The following COLEC10 variants were observed in gnomAD, a reference collection of about 807,000 sequenced individuals.
The protein encoded by COLEC10 is collectin subfamily member 10, also known as collectin-10.
A neutral mutation model predicts 28.4 loss-of-function variants in COLEC10; 22 were observed. The observed-to-expected ratio is 0.78, with a 90% CI of 0.55 to 1.11. COLEC10 has a LOEUF of 1.11. Ranked by LOEUF, COLEC10 falls within the 50% of genes least tolerant of loss-of-function variation. COLEC10 has a pLI of 0.00. For synonymous variants in COLEC10, 125 were observed against 116.1 expected, an observed-to-expected ratio of 1.08 and a Z score of -0.49; for missense variants, 361 against 344.1, an observed-to-expected ratio of 1.05 and a Z score of -0.39.
upstream of COLEC10, chr8:119,063,038 G>C (rs1303185490): frequency 6.6e-6 from 1 of 152,130 alleles, no homozygotes; most frequent in Non-Finnish European, 1.5e-5. Context: ...TGGAGATGAG[G>C]TTGTCATTGT....
At chr8:119,010,312 G>A (rs1444830121) in intron 2 of COLEC10, among the ~76,000 whole-genome samples, 1 of 150,762 alleles carries the variant, frequency 6.6e-6, no homozygotes, top group Non-Finnish European at 1.5e-5. Flanking sequence ...ATGCATTTTA[G>A]TTTCCTCCAT....
At chr8:119,028,149 C>G (rs1277811886) in intron 2 of COLEC10, among the ~76,000 whole-genome samples, 1 of 152,114 alleles carries the variant, frequency 6.6e-6, no homozygotes, top group African/African-American at 2.4e-5. Flanking sequence ...GGAGAAGGAG[C>G]CTTGTCTTAT....
chr8:119,057,826 T>A (rs1814790049), intron 2 of COLEC10, among the ~76,000 whole-genome samples: 1 of 152,038 alleles, frequency 6.6e-6, no homozygotes, highest in Non-Finnish European at 1.5e-5. Flanking sequence ...ACAACAATAA[T>A]GAAAATTAAG....
chr8:119,038,087 A>C (rs1814422552), intron 2 of COLEC10, among the ~76,000 whole-genome samples: 1 of 152,208 alleles, frequency 6.6e-6, no homozygotes. Flanking sequence ...ACTTTGGAGA[A>C]GCAGCAAGAA....
chr8:119,059,762 C>T (rs1440060280), intron 2 of COLEC10, among the ~76,000 whole-genome samples: 2 of 151,970 alleles, frequency 1.3e-5, no homozygotes, highest in Non-Finnish European at 2.9e-5. Flanking sequence ...AGAACAAATG[C>T]TTAGTTAGTG....
At chr8:119,040,030 T>C (rs139179017) in intron 2 of COLEC10, among the ~76,000 whole-genome samples, 112 of 152,314 alleles carry the variant, frequency 7.4e-4, no homozygotes, top group African/African-American at 2.6e-3. Flanking sequence ...ATTCTGCTTA[T>C]CCCAAGAATG....
At chr8:119,039,670 G>C (rs890469480) in intron 2 of COLEC10, among the ~76,000 whole-genome samples, 1 of 152,302 alleles carries the variant, frequency 6.6e-6, no homozygotes, top group African/African-American at 2.4e-5. Context: ...AAATCATGGT[G>C]TCAATGAGTC....
chr8:119,086,142 A>G (rs1281404948), intron 1 of COLEC10, among the ~76,000 whole-genome samples: 2 of 152,326 alleles, frequency 1.3e-5, no homozygotes, highest in East Asian at 1.9e-4. Flanking sequence ...GGGCAGGGGG[A>G]AAAGTCCTAT....
the COLEC10 span, among the ~76,000 whole-genome samples, chr8:118,967,176 T>A: frequency 6.6e-6 from 1 of 152,106 alleles, no homozygotes; most frequent in Non-Finnish European, 1.5e-5. Flanking sequence ...GCATGCCAAA[T>A]TAAAATCTCT....
At chr8:119,094,866 C>A (rs1423604674) in intron 3 of COLEC10, among the ~76,000 whole-genome samples, 1 of 152,062 alleles carries the variant, frequency 6.6e-6, no homozygotes, top group Non-Finnish European at 1.5e-5. Flanking sequence ...GGAATACCAA[C>A]AACAACAAAA....
chr8:119,014,615 T>C (rs1208364998), intron 2 of COLEC10, among the ~76,000 whole-genome samples: 4 of 150,902 alleles, frequency 2.7e-5, no homozygotes, highest in Non-Finnish European at 4.4e-5. Flanking sequence ...TCATGTCTGA[T>C]AATAATTTGG....
chr8:118,964,342 T>C, the COLEC10 span, among the ~76,000 whole-genome samples: 14 of 152,204 alleles, frequency 9.2e-5, no homozygotes, highest in Non-Finnish European at 1.9e-4. Flanking sequence ...TCATAGAATA[T>C]AGAGCACTAA....
intron 1 of COLEC10, among the ~76,000 whole-genome samples, chr8:119,075,987 G>T (rs190114730): frequency 7.4e-6 from 1 of 135,376 alleles, no homozygotes; most frequent in African/African-American, 2.8e-5. Context: ...TGCAAGCTCC[G>T]CCTCCTGGGT....
At chr8:119,049,576 G>A (rs1203719841) in intron 2 of COLEC10, among the ~76,000 whole-genome samples, 2 of 151,548 alleles carry the variant, frequency 1.3e-5, no homozygotes, top group African/African-American at 4.8e-5. Context: ...CACCACACCC[G>A]GCTAATTTTT....
intron 1 of COLEC10, among the ~76,000 whole-genome samples, chr8:118,998,266 G>A (rs1159506978): frequency 2.6e-5 from 4 of 152,102 alleles, no homozygotes; most frequent in African/African-American, 9.7e-5. Context: ...CCCAGAGACA[G>A]TAAATATTTC....
chr8:119,074,488 T>C (rs1445991053), intron 1 of COLEC10, among the ~76,000 whole-genome samples: 1 of 152,180 alleles, frequency 6.6e-6, no homozygotes, highest in East Asian at 1.9e-4. Flanking sequence ...CAAATGCTTA[T>C]TTTGAAAATT....
At position 119,067,444 on chromosome 8, in the gene COLEC10, C is replaced by T. The variant is rs773538897; in HGVS notation, c.148+15C>T. ...AGGACCCAAAGGTGAGGAAAGAAAA[C>T]CACAATTTTCATGTATAATAAATAT... On this transcript the variant is annotated intron_variant, in intron 1 of 5. Transcript: ENST00000332843. The T allele has an allele frequency of 3.1e-6, 5 of 1,610,494 alleles. No homozygotes were observed. Among genetic ancestry groups the T allele is most frequent in the East Asian group, 2.2e-5 (1 of 44,838 alleles).
At chr8:118,956,700 A>G in the COLEC10 span, among the ~76,000 whole-genome samples, 23 of 152,158 alleles carry the variant, frequency 1.5e-4, no homozygotes, top group African/African-American at 5.3e-4. Context: ...TGTTTATATC[A>G]ACAGAGTACT....
the COLEC10 span, among the ~76,000 whole-genome samples, chr8:118,974,733 A>T: frequency 1.3e-5 from 2 of 152,088 alleles, no homozygotes; most frequent in Non-Finnish European, 2.9e-5. Context: ...TCAACTCTGC[A>T]CTATGATGTT....
Sources: gnomAD v4.1 joint callset for allele counts (sites outside exome capture counted in the v4.1 genomes callset) on GRCh38, gnomAD v4.1.1 for gene constraint, MANE v1.5 for transcripts, NCBI Gene and HGNC (gene_info 2026-07-23, HGNC 2026-07-21) for gene names.